Variants in NALCN observed in about 807,000 individuals in gnomAD.
The protein encoded by NALCN is sodium leak channel NALCN.
Under a neutral mutation model 225.3 loss-of-function variants are expected in NALCN, and 111 were observed. The observed-to-expected ratio is 0.49, with a 90% CI of 0.42 to 0.58. The LOEUF is 0.58. Among genes scored for constraint, NALCN ranks in the 20% least tolerant of loss-of-function variants. The pLI is 0.00. For synonymous variants in NALCN, 764 were observed against 769.0 expected (o/e 0.99, Z 0.11); for missense variants, 1,378 against 2,202.4 (o/e 0.63, Z 7.49).
chr13:101,201,175 T>C (rs1351804124), intron 13 of NALCN, among the ~76,000 whole-genome samples: 7 of 152,078 alleles, frequency 4.6e-5, no homozygotes, highest in Non-Finnish European at 5.9e-5. Context: ...TTAAAAGAAA[T>C]AGGTTTTTGA....
chr13:101,112,579 T>C (rs2035500681), intron 18 of NALCN, among the ~76,000 whole-genome samples: 1 of 152,222 alleles, frequency 6.6e-6, no homozygotes. Context: ...GGGCCTAACT[T>C]CCTCATTGGT....
At chr13:101,191,749 T>C (rs1343808430) in intron 14 of NALCN, among the ~76,000 whole-genome samples, 168 bp downstream of exon 14, 2 of 152,168 alleles carry the variant, frequency 1.3e-5, no homozygotes, top group South Asian at 2.1e-4. Flanking sequence ...ATCAAGCAGT[T>C]CTTTGATGTG....
At chr13:101,061,240 T>C (rs1163109734) in intron 41 of NALCN, among the ~76,000 whole-genome samples, 1 of 152,220 alleles carries the variant, frequency 6.6e-6, no homozygotes, top group African/African-American at 2.4e-5. Context: ...TGAGAGGTGG[T>C]CTTTTCAGAA....
At position 101,345,384 on chromosome 13, in the gene NALCN, T is replaced by C. The variant is rs2045687456; in HGVS notation, c.681A>G (p.Thr227=). The C allele has an allele frequency of 1.2e-6, 2 of 1,613,738 alleles. No individual in the cohort carries two copies. The highest frequency in any genetic ancestry group is 1.7e-4 in the Middle Eastern group (1 of 6,058). ...CTTCTTCTAGCTCTGGTGAGCAGTG[T>C]GTGTCTGGAATAGCTAAACTATTCC... ...VTWNSLAIPD[T]HCSPELEEGY... is the part of the protein sequence containing the mutation. Residue 227 remains threonine, a synonymous_variant, in exon 7 of 44, where the codon ACA becomes ACG. Transcript: ENST00000251127.
At chr13:101,355,430 C>G (rs1434798323) in intron 6 of NALCN, among the ~76,000 whole-genome samples, 1 of 150,516 alleles carries the variant, frequency 6.6e-6, no homozygotes, top group Non-Finnish European at 1.5e-5. Context: ...TTTAAACAAA[C>G]AAAGATAAAA....
chr13:101,358,518 C>T (rs192321845), intron 6 of NALCN, among the ~76,000 whole-genome samples: 25 of 152,144 alleles, frequency 1.6e-4, no homozygotes, highest in African/African-American at 4.1e-4. Context: ...CCAGTCAGAA[C>T]GGCGATTATT....
intron 3 of NALCN, among the ~76,000 whole-genome samples, chr13:101,383,660 G>GCATC (rs2046910360): frequency 6.6e-6 from 1 of 152,172 alleles, no homozygotes; most frequent in South Asian, 2.1e-4. Flanking sequence ...CTTAATGAAT[G>GCATC]CATCCATCCA....
chr13:101,187,902 C>T (rs7982111), intron 14 of NALCN, among the ~76,000 whole-genome samples: 20,592 of 152,080 alleles, frequency 0.14, 2,086 homozygotes, highest in African/African-American at 0.28. Flanking sequence ...CTGTGGGTAC[C>T]TGTATAACCA....
chr13:101,342,750 G>T (rs1257669707), intron 7 of NALCN, among the ~76,000 whole-genome samples: 1 of 152,076 alleles, frequency 6.6e-6, no homozygotes, highest in African/African-American at 2.4e-5. Context: ...GGATGATTTT[G>T]GGGACACAAA....
intron 15 of NALCN, among the ~76,000 whole-genome samples, chr13:101,154,661 G>A (rs1476505158): frequency 6.6e-6 from 1 of 152,180 alleles, no homozygotes; most frequent in East Asian, 1.9e-4. Flanking sequence ...ACAATACAAT[G>A]ATAATCCAAT....
intron 7 of NALCN, among the ~76,000 whole-genome samples, chr13:101,333,634 A>G (rs1044434687): frequency 6.6e-6 from 1 of 152,226 alleles, no homozygotes; most frequent in African/African-American, 2.4e-5. Context: ...AAGCTGGAAC[A>G]TGGAAGCCCC....
At chr13:101,408,553 G>C (rs2047688345) in intron 1 of NALCN, among the ~76,000 whole-genome samples, 1 of 152,186 alleles carries the variant, frequency 6.6e-6, no homozygotes, top group Non-Finnish European at 1.5e-5. Flanking sequence ...CAGAACAGCG[G>C]CCCACTCCCC....
intron 15 of NALCN, among the ~76,000 whole-genome samples, chr13:101,166,445 T>A (rs2038443179): frequency 6.6e-6 from 1 of 152,066 alleles, no homozygotes; most frequent in Admixed American, 6.6e-5. Flanking sequence ...AGGTATAAAG[T>A]GGTATCTCAT....
chr13:101,300,347 TTTTCTTC>T (rs1306173895), intron 7 of NALCN, among the ~76,000 whole-genome samples: 1 of 127,622 alleles, frequency 7.8e-6, no homozygotes, highest in South Asian at 2.5e-4. Context: ...TTCTTTTTCT[TTTTCTTC>T]TTTCTTTCTT....
At chr13:101,072,130 A>C (rs1483228387) in intron 37 of NALCN, among the ~76,000 whole-genome samples, 1 of 152,222 alleles carries the variant, frequency 6.6e-6, no homozygotes, top group African/African-American at 2.4e-5. Flanking sequence ...ACAGATCACC[A>C]AAACAGATAA....
At chr13:101,059,725 T>G (rs2031684375) in intron 42 of NALCN, 93 bp downstream of exon 42, 1 of 1,118,588 alleles carries the variant, frequency 8.9e-7, no homozygotes, top group African/African-American at 1.6e-5. Context: ...TCACCTTGTT[T>G]GAATGATCTG....
In NALCN at chr13:101,294,738, G is replaced by A. The variant is rs970661896; in HGVS notation, c.800-2372C>T. On this transcript the variant is annotated intron_variant, in intron 7 of 43. Coordinates refer to ENST00000251127, the MANE Select transcript of NALCN (RefSeq NM_052867.4). ...TGATTATGAAGTGAGATGGTCACAT[G>A]GGGATGAAGTAATTCTTTAACATAA... Among the ~76,000 whole-genome samples, 26 of 151,858 alleles carry A rather than the reference G, an allele frequency of 1.7e-4. 1 individual carries two copies. The highest frequency in any genetic ancestry group is 6.0e-4 in the African/African-American group (25 of 41,340).
At chr13:101,192,362 C>G (rs1476303849) in intron 13 of NALCN, among the ~76,000 whole-genome samples, 6 of 152,088 alleles carry the variant, frequency 3.9e-5, no homozygotes, top group Admixed American at 3.9e-4. Flanking sequence ...TAATTTTTTT[C>G]CTTTCAGCAA....
At chr13:101,174,181 T>C (rs1378894637) in intron 15 of NALCN, among the ~76,000 whole-genome samples, 1 of 152,206 alleles carries the variant, frequency 6.6e-6, no homozygotes, top group Non-Finnish European at 1.5e-5. Flanking sequence ...ATTTAATAGA[T>C]ACATAGTTTC....
Sources: gnomAD v4.1 joint callset for allele counts (sites outside exome capture counted in the v4.1 genomes callset) on GRCh38, gnomAD v4.1.1 for gene constraint, MANE v1.5 for transcripts, NCBI Gene and HGNC (gene_info 2026-07-23, HGNC 2026-07-21) for gene names.